Variants in SH3RF1 observed in about 807,000 individuals in gnomAD.
The protein encoded by SH3RF1 is E3 ubiquitin-protein ligase SH3RF1.
Under a neutral mutation model 74.0 loss-of-function variants are expected in SH3RF1, and 32 were observed. The observed-to-expected ratio is 0.43, with a 90% CI of 0.33 to 0.58. SH3RF1 has a LOEUF of 0.58. Ranked by LOEUF, SH3RF1 falls within the 20% of genes least tolerant of loss-of-function variation. The pLI is 0.05. For synonymous variants in SH3RF1, 396 were observed against 439.6 expected (o/e 0.90, Z 1.24); for missense variants, 954 against 1,130.9 (o/e 0.84, Z 2.24).
intron 2 of SH3RF1, among the ~76,000 whole-genome samples, chr4:169,252,022 T>C (rs766258224): frequency 6.4e-4 from 97 of 152,304 alleles, no homozygotes; most frequent in Non-Finnish European, 1.2e-3. Context: ...ATAGGTGGTG[T>C]GCCTACAAGA....
At chr4:169,206,335 C>G (rs1260081470) in intron 2 of SH3RF1, among the ~76,000 whole-genome samples, 2 of 152,184 alleles carry the variant, frequency 1.3e-5, no homozygotes, top group Non-Finnish European at 2.9e-5. Context: ...GTGACCCACG[C>G]CCACCTAGGA....
intron 2 of SH3RF1, among the ~76,000 whole-genome samples, chr4:169,268,311 A>G (rs1324507355): frequency 6.6e-6 from 1 of 152,214 alleles, no homozygotes; most frequent in East Asian, 1.9e-4. Flanking sequence ...TGATTTGTTA[A>G]GAATTCCACC....
chr4:169,161,149 G>A (rs1205925418), intron 2 of SH3RF1, among the ~76,000 whole-genome samples: 1 of 152,176 alleles, frequency 6.6e-6, no homozygotes, highest in East Asian at 1.9e-4. Flanking sequence ...AGGAGAGAAA[G>A]CCAAAGAGAA....
At chr4:169,187,327 G>T (rs1267672731) in intron 2 of SH3RF1, among the ~76,000 whole-genome samples, 1 of 152,080 alleles carries the variant, frequency 6.6e-6, no homozygotes, top group Non-Finnish European at 1.5e-5. Flanking sequence ...CTGAGTAGCT[G>T]AGACTAAGAT....
chr4:169,206,699 T>C (rs1339557690), intron 2 of SH3RF1, among the ~76,000 whole-genome samples: 1 of 152,128 alleles, frequency 6.6e-6, no homozygotes, highest in Non-Finnish European at 1.5e-5. Context: ...ATCAAAGGTC[T>C]AACCTTTATA....
rs1159132958 is a variant in SH3RF1, at chr4:169,191,215, ACGCAGATCAGTAG to A, written c.394-34549_394-34537del. 4.6e-5 allele frequency among the ~76,000 whole-genome samples: 7 copies of A among 151,368 alleles called. No homozygotes were observed. The East Asian group carries it at 1.4e-3, about 29-fold the overall frequency. ...CCTCTTCAACATACAAAATTAATGT[ACGCAGATCAGTAG>A]CTCTTCTATATACCAACAGCGACCC... On this transcript the variant is annotated intron_variant, in intron 2 of 11. Coordinates refer to ENST00000284637, the MANE Select transcript of SH3RF1 (RefSeq NM_020870.4).
chr4:169,221,023 G>A (rs1057143660), intron 2 of SH3RF1, among the ~76,000 whole-genome samples: 3 of 152,160 alleles, frequency 2.0e-5, no homozygotes, highest in African/African-American at 7.2e-5. Context: ...CGAAAGAGTT[G>A]AACACAACTA....
At chr4:169,229,089 C>T (rs912986039) in intron 2 of SH3RF1, among the ~76,000 whole-genome samples, 2 of 152,046 alleles carry the variant, frequency 1.3e-5, no homozygotes, top group Non-Finnish European at 2.9e-5. Flanking sequence ...GGGTTTGATA[C>T]GTAATATAAT....
chr4:169,269,254 T>C lies in SH3RF1; in HGVS notation c.-42A>G, dbSNP rs754581365. On this transcript the variant is annotated 5_prime_UTR_variant, in exon 2 of 12. It removes an upstream start codon present in the reference 5' UTR. Transcript: ENST00000284637. ...GAGAAAAAATCTTCAGAAATGTTCA[T>C]AGTTGTGTGCATCCCTTAAAATGAC... 14 of 1,519,304 alleles carry C rather than the reference T, an allele frequency of 9.2e-6. No homozygotes were observed. The Admixed American group carries it at 1.6e-4, about 18-fold the overall frequency. 94.1% of individuals were successfully genotyped at this position (1,519,304 alleles called of 1,614,324 possible).
intron 2 of SH3RF1, among the ~76,000 whole-genome samples, chr4:169,246,783 T>C (rs1267183572): frequency 6.6e-6 from 1 of 152,250 alleles, no homozygotes; most frequent in Non-Finnish European, 1.5e-5. Flanking sequence ...TCCACTAATG[T>C]AAGTCATTTA....
At chr4:169,138,875 G>C (rs1335909122) in intron 4 of SH3RF1, among the ~76,000 whole-genome samples, 1 of 152,094 alleles carries the variant, frequency 6.6e-6, no homozygotes, top group Non-Finnish European at 1.5e-5. Flanking sequence ...TTTCTCAACA[G>C]AACAATACTG....
intron 2 of SH3RF1, among the ~76,000 whole-genome samples, chr4:169,247,317 CAAAT>C (rs1339322991): frequency 6.6e-6 from 1 of 152,118 alleles, no homozygotes; most frequent in African/African-American, 2.4e-5. Flanking sequence ...GATCTTCCCC[CAAAT>C]AAATATTTAC....
chr4:169,224,434 T>C (rs201873199), intron 2 of SH3RF1, among the ~76,000 whole-genome samples: 1 of 152,028 alleles, frequency 6.6e-6, no homozygotes, highest in Non-Finnish European at 1.5e-5. Flanking sequence ...TCTCCTGCCT[T>C]AGCCTCCCAA....
At chr4:169,250,337 G>A (rs544437432) in intron 2 of SH3RF1, among the ~76,000 whole-genome samples, 15 of 151,336 alleles carry the variant, frequency 9.9e-5, no homozygotes, top group South Asian at 4.2e-4. Context: ...AAAAGCTTGC[G>A]GCAAGATTAT....
At chr4:169,194,788 G>C (rs1031335347) in intron 2 of SH3RF1, among the ~76,000 whole-genome samples, 2 of 152,142 alleles carry the variant, frequency 1.3e-5, no homozygotes, top group Non-Finnish European at 2.9e-5. Context: ...CAAAGTGATT[G>C]TATCAATGCA....
At chr4:169,252,579 G>A (rs991976615) in intron 2 of SH3RF1, among the ~76,000 whole-genome samples, 7 of 152,186 alleles carry the variant, frequency 4.6e-5, no homozygotes, top group African/African-American at 1.7e-4. Flanking sequence ...CAACTGACCA[G>A]GAAAGTTGGT....
intron 2 of SH3RF1, among the ~76,000 whole-genome samples, chr4:169,198,593 C>G (rs889754676): frequency 6.6e-6 from 1 of 152,070 alleles, no homozygotes; most frequent in Non-Finnish European, 1.5e-5. Flanking sequence ...TATGGAAATA[C>G]ATCAAATGAA....
intron 2 of SH3RF1, among the ~76,000 whole-genome samples, chr4:169,214,757 T>C (rs1418454867): frequency 6.6e-6 from 1 of 152,210 alleles, no homozygotes; most frequent in Non-Finnish European, 1.5e-5. Context: ...TAGTTTCATT[T>C]GTTGATGCCA....
intron 2 of SH3RF1, among the ~76,000 whole-genome samples, chr4:169,242,607 T>C (rs544929841): frequency 3.9e-5 from 6 of 152,174 alleles, no homozygotes; most frequent in Non-Finnish European, 5.9e-5. Context: ...CCAAAATTCA[T>C]GTATTGGAAA....
Sources: gnomAD v4.1 joint callset for allele counts (sites outside exome capture counted in the v4.1 genomes callset) on GRCh38, gnomAD v4.1.1 for gene constraint, MANE v1.5 for transcripts, NCBI Gene and HGNC (gene_info 2026-07-23, HGNC 2026-07-21) for gene names.